Variants in ATP6V0A4 observed in about 807,000 individuals in gnomAD.
The protein encoded by ATP6V0A4 is V-type proton ATPase 116 kDa subunit a 4.
ATP6V0A4 carries 86 observed loss-of-function variants against 107.3 expected under a neutral mutation model. The observed-to-expected ratio is 0.80, with a 90% CI of 0.67 to 0.96. The LOEUF is 0.96. Ranked by LOEUF, ATP6V0A4 falls within the 40% of genes least tolerant of loss-of-function variation. ATP6V0A4 has a pLI of 0.00. For missense variants in ATP6V0A4, 908 were observed against 1,045.6 expected (o/e 0.87, Z 1.81); for synonymous variants, 353 against 381.4 (o/e 0.93, Z 0.87).
rs183571925 is a variant in ATP6V0A4, at chr7:138,722,033, C to A, written c.2011-8G>T. 2 of 1,613,966 alleles carry A rather than the reference C, an allele frequency of 1.2e-6. No homozygotes were observed. The highest frequency in any genetic ancestry group is 1.3e-5 in the African/African-American group (1 of 74,918). On this transcript the variant is annotated splice_region_variant and splice_polypyrimidine_tract_variant and intron_variant, in intron 18 of 21. Coordinates refer to ENST00000310018, the MANE Select transcript of ATP6V0A4 (RefSeq NM_020632.3). Reference sequence around the variant, plus strand: ...GATCCTGGATGCCTGCAGCTGACAACAAGCAGGGAAATGAGGAATGCGCTC... The same window carrying A: ...GATCCTGGATGCCTGCAGCTGACAAAAAGCAGGGAAATGAGGAATGCGCTC...
chr7:138,749,322 A>G lies in ATP6V0A4; in HGVS notation c.1030-5T>C, dbSNP rs1358544109. The G allele has an allele frequency of 2.2e-4, 30 of 137,230 alleles. No individual in the cohort carries two copies. The highest frequency in any genetic ancestry group is 1.6e-3 in the South Asian group (8 of 4,968). 8.5% of individuals were successfully genotyped at this position (137,230 alleles called of 1,614,324 possible). On this transcript the variant is annotated splice_polypyrimidine_tract_variant and splice_region_variant and intron_variant, in intron 11 of 21. Coordinates refer to ENST00000310018, the MANE Select transcript of ATP6V0A4 (RefSeq NM_020632.3). ...CATGGAGGAGCCACTTAGTTCCTGG[A>G]AAAAAAAAAAAAAGCGACAAAGATG...
At chr7:138,711,655 A>C (rs1803749632) in intron 20 of ATP6V0A4, among the ~76,000 whole-genome samples, 1 of 152,184 alleles carries the variant, frequency 6.6e-6, no homozygotes, top group African/African-American at 2.4e-5. Flanking sequence ...GTCTTTCATC[A>C]ATGGGAGCAG....
At chr7:138,746,002 T>TAA (rs1805925710) in intron 13 of ATP6V0A4, among the ~76,000 whole-genome samples, 1 of 84,244 alleles carries the variant, frequency 1.2e-5, no homozygotes, top group Non-Finnish European at 2.3e-5. Flanking sequence ...TAAATATAAA[T>TAA]AATATATATA....
intron 3 of ATP6V0A4, among the ~76,000 whole-genome samples, chr7:138,769,994 T>A (rs1441717693): frequency 1.3e-5 from 2 of 152,126 alleles, no homozygotes; most frequent in Non-Finnish European, 2.9e-5. Context: ...AAGGCTACAA[T>A]GAGCCGTGAT....
At chr7:138,733,526 G>A (rs1805139377) in intron 16 of ATP6V0A4, among the ~76,000 whole-genome samples, 1 of 150,232 alleles carries the variant, frequency 6.7e-6, no homozygotes, top group Admixed American at 6.6e-5. Context: ...GGCCAATGGA[G>A]ACTATCATCT....
chr7:138,717,662 C>A (rs1321233134), intron 19 of ATP6V0A4, among the ~76,000 whole-genome samples: 2 of 152,104 alleles, frequency 1.3e-5, no homozygotes, highest in African/African-American at 2.4e-5. Flanking sequence ...AATCCCAGCA[C>A]TTTGGGAGGC....
chr7:138,739,709 G>T, intron 14 of ATP6V0A4, 76 bp from the exon 15 acceptor site: 1 of 1,577,932 alleles, frequency 6.3e-7, no homozygotes, highest in Non-Finnish European at 8.6e-7. Context: ...CACCAGTCAC[G>T]AACTTGCCCA....
intron 7 of ATP6V0A4, among the ~76,000 whole-genome samples, chr7:138,761,033 AAACTCCT>A (rs1183954962): frequency 6.6e-6 from 1 of 151,816 alleles, no homozygotes; most frequent in African/African-American, 2.4e-5. Context: ...GGCTGATCTC[AAACTCCT>A]GGCCTCAAGT....
At chr7:138,753,015 T>A in intron 10 of ATP6V0A4, 178 bp from the exon 11 acceptor site, 5 of 622,790 alleles carry the variant, frequency 8.0e-6, no homozygotes, top group Non-Finnish European at 1.0e-5. Flanking sequence ...CGCTAGAGGC[T>A]AAAACCCTTA....
At chr7:138,735,119 G>A (rs1327526845) in intron 15 of ATP6V0A4, among the ~76,000 whole-genome samples, 1 of 152,138 alleles carries the variant, frequency 6.6e-6, no homozygotes, top group Non-Finnish European at 1.5e-5. Context: ...ATACTGACAT[G>A]AGGAAAAGCA....
intron 5 of ATP6V0A4, among the ~76,000 whole-genome samples, chr7:138,764,214 G>A (rs1047946629): frequency 6.6e-6 from 1 of 151,872 alleles, no homozygotes; most frequent in Admixed American, 6.6e-5. Flanking sequence ...TGATGATCTC[G>A]AAGGGAAGAG....
intron 17 of ATP6V0A4, 127 bp downstream of exon 17, chr7:138,732,750 C>T (rs990467932): frequency 8.5e-6 from 9 of 1,053,344 alleles, no homozygotes; most frequent in South Asian, 1.6e-5. Flanking sequence ...GTCAAGATCA[C>T]GCCACTGCAC....
At chr7:138,708,307 A>T (rs1803557662) in intron 21 of ATP6V0A4, among the ~76,000 whole-genome samples, 1 of 152,050 alleles carries the variant, frequency 6.6e-6, no homozygotes, top group African/African-American at 2.4e-5. Flanking sequence ...TGGCCTCCCA[A>T]AGTGCTGGGA....
At chr7:138,796,898 G>A (rs963150187) in intron 1 of ATP6V0A4, among the ~76,000 whole-genome samples, 4 of 152,122 alleles carry the variant, frequency 2.6e-5, no homozygotes, top group East Asian at 1.9e-4. Context: ...TGTTTTAGAC[G>A]GAATGCAGAG....
At chr7:138,730,349 TG>T (rs1804936045) in intron 17 of ATP6V0A4, among the ~76,000 whole-genome samples, 3 of 136,420 alleles carry the variant, frequency 2.2e-5, no homozygotes, top group Admixed American at 2.1e-4. Flanking sequence ...TGAGTGTGTG[TG>T]TGTGTGTGTG....
chr7:138,761,596 A>G (rs1050767890), intron 7 of ATP6V0A4, among the ~76,000 whole-genome samples: 6 of 151,246 alleles, frequency 4.0e-5, no homozygotes, highest in African/African-American at 1.5e-4. Flanking sequence ...AGGCCACTGC[A>G]CTCCAGCCTG....
At chr7:138,721,005 C>T (rs1804398274) in intron 19 of ATP6V0A4, among the ~76,000 whole-genome samples, 1 of 152,196 alleles carries the variant, frequency 6.6e-6, no homozygotes, top group Non-Finnish European at 1.5e-5. Flanking sequence ...ATCTGTGGCC[C>T]TCATGGAAAC....
chr7:138,752,895 G>C, intron 10 of ATP6V0A4, 58 bp from the exon 11 acceptor site: 1 of 1,599,684 alleles, frequency 6.3e-7, no homozygotes, highest in African/African-American at 1.3e-5. Context: ...GTTTGACAAG[G>C]TGCCAAAAAT....
chr7:138,762,277 T>G, intron 7 of ATP6V0A4, 63 bp downstream of exon 7: 1 of 1,569,280 alleles, frequency 6.4e-7, no homozygotes, highest in South Asian at 1.1e-5. Flanking sequence ...ACCCGTTCAT[T>G]CACTCACTCA....
Sources: gnomAD v4.1 joint callset for allele counts (sites outside exome capture counted in the v4.1 genomes callset) on GRCh38, gnomAD v4.1.1 for gene constraint, MANE v1.5 for transcripts, NCBI Gene and HGNC (gene_info 2026-07-23, HGNC 2026-07-21) for gene names.